EFCAB6: variants seen among roughly 807,000 people sequenced by gnomAD.
EFCAB6 encodes the protein EF-hand calcium binding domain 6, also known as EF-hand calcium-binding domain-containing protein 6.
Under a neutral mutation model 169.8 loss-of-function variants are expected in EFCAB6, and 156 were observed. The ratio of observed to expected loss-of-function variants is 0.92; its 90% CI spans 0.81 to 1.05. EFCAB6 has a LOEUF of 1.05. Ranked by LOEUF, EFCAB6 falls within the 50% of genes least tolerant of loss-of-function variation. The pLI is 0.00. For synonymous variants in EFCAB6, 698 were observed against 676.4 expected (o/e 1.03, Z -0.50); for missense variants, 1,800 against 1,829.1 (o/e 0.98, Z 0.29).
intron 5 of EFCAB6, among the ~76,000 whole-genome samples, chr22:43,760,352 G>C (rs2061119911): frequency 6.6e-6 from 1 of 152,144 alleles, no homozygotes; most frequent in Non-Finnish European, 1.5e-5. Context: ...TGAGAGGTTG[G>C]TGTCAGTCTA....
Position 43,731,791 on chromosome 22 carries a change from A to T in EFCAB6, c.665T>A (p.Ile222Asn), listed in dbSNP as rs778883491. Residue 222 changes from isoleucine to asparagine, a missense_variant, in exon 8 of 32, where the codon ATC (isoleucine) becomes AAC (asparagine). Coordinates refer to ENST00000262726, the MANE Select transcript of EFCAB6 (RefSeq NM_022785.4). ...EYEKFSKHYN[I>N]HKDTAVDYNV... Reference sequence around the variant, plus strand: ...GTAATCTACTGCAGTATCCTTGTGGATGTTGTAGTGTTTCGAAAACCTAAA... The same window carrying T: ...GTAATCTACTGCAGTATCCTTGTGGTTGTTGTAGTGTTTCGAAAACCTAAA... 1 of 1,580,876 alleles carries T rather than the reference A, an allele frequency of 6.3e-7. No individual in the cohort carries two copies. Among genetic ancestry groups the T allele is most frequent in the African/African-American group, 1.4e-5 (1 of 73,284 alleles).
chr22:43,655,616 A>C (rs539221943), intron 17 of EFCAB6, among the ~76,000 whole-genome samples: 61 of 152,286 alleles, frequency 4.0e-4, no homozygotes, highest in Middle Eastern at 3.4e-3. Context: ...AAAAACAAAA[A>C]CATTACAATG....
intron 20 of EFCAB6, among the ~76,000 whole-genome samples, chr22:43,623,843 A>G (rs1373759120): frequency 2.0e-5 from 3 of 146,840 alleles, no homozygotes; most frequent in Non-Finnish European, 4.5e-5. Context: ...TGGGAGATGG[A>G]GCTTGCAGTG....
rs369041379 is a variant in EFCAB6, at chr22:43,795,909, CCACA to C, written c.-8+13082_-8+13085del. Among the ~76,000 whole-genome samples, 3 of 149,472 alleles carry C rather than the reference CCACA, an allele frequency of 2.0e-5. No homozygotes were observed. Among genetic ancestry groups the C allele is most frequent in the East Asian group, 3.9e-4 (2 of 5,114 alleles). ...ACAATACACACTCACCACACATACA[CCACA>C]CACACACACACCCCTTCATCACACA... On this transcript the variant is annotated intron_variant, in intron 2 of 31. Coordinates refer to ENST00000262726, the MANE Select transcript of EFCAB6 (RefSeq NM_022785.4). The surrounding 1 kb of genome is among the most constrained non-coding windows in gnomAD (Gnocchi z 4.2).
chr22:43,715,789 A>G (rs1391142740), intron 9 of EFCAB6, among the ~76,000 whole-genome samples: 1 of 152,234 alleles, frequency 6.6e-6, no homozygotes, highest in Admixed American at 6.5e-5. Flanking sequence ...AAAGTCATTA[A>G]CAACAACTAG....
chr22:43,809,266 A>C (rs1329430390), intron 1 of EFCAB6, 135 bp from the exon 2 acceptor site: 1 of 152,224 alleles, frequency 6.6e-6, no homozygotes, highest in Non-Finnish European at 1.5e-5. Flanking sequence ...AGTTGACAAG[A>C]AGCTCCCAGC....
chr22:43,667,945 G>A (rs2057335201), intron 16 of EFCAB6, among the ~76,000 whole-genome samples: 1 of 152,128 alleles, frequency 6.6e-6, no homozygotes, highest in African/African-American at 2.4e-5. Context: ...ATGGAGAATG[G>A]ACTTCTATTC....
At chr22:43,770,034 T>C (rs2061422709) in intron 4 of EFCAB6, among the ~76,000 whole-genome samples, 1 of 152,044 alleles carries the variant, frequency 6.6e-6, no homozygotes, top group Non-Finnish European at 1.5e-5. Flanking sequence ...TTTTTGTATT[T>C]TTAGTAGAGA....
intron 3 of EFCAB6, among the ~76,000 whole-genome samples, chr22:43,780,100 T>C (rs1299088697): frequency 1.3e-5 from 2 of 152,204 alleles, no homozygotes; most frequent in Non-Finnish European, 2.9e-5. Flanking sequence ...GTTAGGATAC[T>C]TAGAAATGAG....
At chr22:43,696,347 G>C (rs2058575492) in intron 10 of EFCAB6, among the ~76,000 whole-genome samples, 1 of 152,108 alleles carries the variant, frequency 6.6e-6, no homozygotes, top group Non-Finnish European at 1.5e-5. Flanking sequence ...CATACTGCTG[G>C]TGGAATTGCA....
At chr22:43,652,893 C>A in intron 17 of EFCAB6, among the ~76,000 whole-genome samples, 1 of 151,214 alleles carries the variant, frequency 6.6e-6, no homozygotes, top group East Asian at 1.9e-4. Context: ...AACACAGATA[C>A]AAAATATGTT....
At chr22:43,642,137 C>A (rs2055846415) in intron 17 of EFCAB6, among the ~76,000 whole-genome samples, 2 of 152,064 alleles carry the variant, frequency 1.3e-5, no homozygotes, top group African/African-American at 4.8e-5. Context: ...GATGGAGTTT[C>A]TCCATGTTGG....
chr22:43,810,837 A>G (rs1179077989), intron 1 of EFCAB6, among the ~76,000 whole-genome samples: 1 of 152,250 alleles, frequency 6.6e-6, no homozygotes, highest in Non-Finnish European at 1.5e-5. Context: ...TCTTGCAATA[A>G]GACTGGATAG....
At chr22:43,685,832 G>A (rs1195114770) in intron 11 of EFCAB6, among the ~76,000 whole-genome samples, 1 of 152,150 alleles carries the variant, frequency 6.6e-6, no homozygotes, top group Non-Finnish European at 1.5e-5. Flanking sequence ...ACACCTATGT[G>A]ATGGTCACTA....
At chr22:43,736,264 C>A (rs1311605945) in intron 6 of EFCAB6, among the ~76,000 whole-genome samples, 4 of 152,148 alleles carry the variant, frequency 2.6e-5, no homozygotes, top group African/African-American at 9.7e-5. Flanking sequence ...ATACACAATT[C>A]ATTCCCTTCT....
Position 43,537,935 on chromosome 22 carries a change from C to T in EFCAB6, c.3880-390G>A, listed in dbSNP as rs558256273. Among the ~76,000 whole-genome samples, 78 of 152,268 alleles carry T rather than the reference C, an allele frequency of 5.1e-4. No homozygotes were observed. The highest frequency in any genetic ancestry group is 1.4e-3 in the African/African-American group (58 of 41,542). The stretch of plus-strand genomic sequence containing the variant: ...TGTCCTGGGCACAAGACATCCAATC[C>T]GTAAACATTCACAGAATATCTGTTA... On this transcript the variant is annotated intron_variant, in intron 28 of 31. Transcript: ENST00000262726. This position sits in a 1 kb window ranked among gnomAD's most constrained non-coding sequence, Gnocchi z 4.3.
At chr22:43,789,132 G>A (rs139834635) in intron 2 of EFCAB6, among the ~76,000 whole-genome samples, 118 of 152,034 alleles carry the variant, frequency 7.8e-4, no homozygotes, top group South Asian at 3.3e-3. Flanking sequence ...GGGAGGAATG[G>A]GACTGCTGAT....
chr22:43,799,515 C>T (rs1426200913), intron 2 of EFCAB6, among the ~76,000 whole-genome samples: 1 of 152,132 alleles, frequency 6.6e-6, no homozygotes, highest in Non-Finnish European at 1.5e-5. Context: ...GTGTCAATTT[C>T]CCAGTTTCAA....
intron 10 of EFCAB6, among the ~76,000 whole-genome samples, chr22:43,689,349 G>GCACAAACAAACA (rs375566793): frequency 6.8e-6 from 1 of 146,962 alleles, no homozygotes; most frequent in African/African-American, 2.6e-5. Flanking sequence ...GAGAGCACGT[G>GCACAAACAAACA]CACACACACA....
Sources: allele counts gnomAD v4.1 joint callset (sites outside exome capture counted in the v4.1 genomes callset), GRCh38; gene constraint gnomAD v4.1.1; non-coding constraint Gnocchi (gnomAD v3.1); transcripts MANE v1.5; gene names NCBI Gene and HGNC (gene_info 2026-07-23, HGNC 2026-07-21).